The following BTD variants were observed in gnomAD, a reference collection of about 807,000 sequenced individuals.
BTD encodes biotinidase.
A neutral mutation model predicts 17.7 loss-of-function variants in BTD; 13 were observed. That is an observed-to-expected ratio of 0.74 (90% CI 0.48 to 1.17). The LOEUF (loss-of-function observed/expected upper bound fraction) is 1.17. Ranked by LOEUF, BTD falls within the 50% of genes most tolerant of loss-of-function variation. The probability of loss-of-function intolerance (pLI) is 0.00; values close to 1 mark genes in which losing one functional copy is unlikely to be tolerated. For synonymous variants in BTD, 240 were observed against 245.2 expected (o/e 0.98, Z 0.20); for missense variants, 674 against 650.4 (o/e 1.04, Z -0.39).
chr3:15,681,955 C>T (rs186390519), intron 3 of BTD, among the ~76,000 whole-genome samples: 2 of 152,190 alleles, frequency 1.3e-5, no homozygotes, highest in East Asian at 3.9e-4. Context: ...TTAATGCCAT[C>T]GTTCTGAATG....
chr3:15,697,451 C>T (rs1357299826), intron 3 of BTD: 4 of 152,032 alleles, frequency 2.6e-5, no homozygotes, highest in Admixed American at 6.6e-5. Flanking sequence ...CCAAAAACCA[C>T]CTGTTCCCCA....
chr3:15,694,802 G>T, intron 3 of BTD: 4 of 1,613,290 alleles, frequency 2.5e-6, no homozygotes, highest in Non-Finnish European at 3.4e-6. Context: ...CTGTTCCTGA[G>T]GTTTCCATTA....
intron 2 of BTD, 110 bp from the exon 3 acceptor site, chr3:15,641,798 A>G (rs2065516559): frequency 2.4e-6 from 2 of 830,226 alleles, no homozygotes; most frequent in African/African-American, 3.4e-5. Flanking sequence ...GGTTCCTGCT[A>G]CAGAGTAACT....
rs987312372 is a variant in BTD at position 15,650,036 on chromosome 3, C to T, written c.*4548C>T. On this transcript the variant is annotated 3_prime_UTR_variant, in exon 4 of 4. Transcript: ENST00000643237. ...CTGAGTCTTGGATTTGCATCTTTAT[C>T]GTGACTCCACGGAGACCCACCCTCT... 1.3e-5 allele frequency among the ~76,000 whole-genome samples: 2 copies of T among 152,340 alleles called. No individual in the cohort carries two copies. The highest frequency in any genetic ancestry group is 6.5e-5 in the Admixed American group (1 of 15,294).
At chr3:15,601,917 C>A (rs572436631) in intron 1 of BTD, 23 bp downstream of exon 1, 2 of 1,612,820 alleles carry the variant, frequency 1.2e-6, no homozygotes, top group South Asian at 1.1e-5. Flanking sequence ...CGTGGTGCGG[C>A]GCGGAGGGGG....
intron 1 of BTD, among the ~76,000 whole-genome samples, chr3:15,622,680 T>G (rs1167775263): frequency 2.0e-5 from 3 of 152,250 alleles, no homozygotes; most frequent in Non-Finnish European, 4.4e-5. Context: ...AGTGGATACA[T>G]CTGTTTCTCT....
downstream of BTD, among the ~76,000 whole-genome samples, chr3:15,712,884 G>A (rs2072507530): frequency 6.6e-6 from 1 of 152,064 alleles, no homozygotes; most frequent in African/African-American, 2.4e-5. Context: ...AAACAGATAG[G>A]TGCAGTACCA....
intron 3 of BTD, among the ~76,000 whole-genome samples, chr3:15,661,947 G>T (rs1466000502): frequency 6.6e-6 from 1 of 152,146 alleles, no homozygotes; most frequent in African/African-American, 2.4e-5. Flanking sequence ...ATTTATGTGG[G>T]TCTATTTCTG....
At chr3:15,706,430 T>C (rs901051030) in intron 3 of BTD, among the ~76,000 whole-genome samples, 5 of 152,156 alleles carry the variant, frequency 3.3e-5, no homozygotes, top group African/African-American at 1.2e-4. Context: ...CCTCCTTTTT[T>C]ATGGCTGCAT....
At chr3:15,681,015 A>G (rs2125705461) in intron 3 of BTD, among the ~76,000 whole-genome samples, 1 of 152,272 alleles carries the variant, frequency 6.6e-6, no homozygotes, top group African/African-American at 2.4e-5. Flanking sequence ...TTCCTACCAA[A>G]GTGATATTGC....
chr3:15,634,577 A>G (rs1014569660), intron 1 of BTD, among the ~76,000 whole-genome samples: 5 of 152,226 alleles, frequency 3.3e-5, no homozygotes, highest in African/African-American at 1.2e-4. Flanking sequence ...TTCTGGTAGA[A>G]GCTATGAAGC....
intron 1 of BTD, among the ~76,000 whole-genome samples, chr3:15,608,783 A>T (rs923521013): frequency 1.3e-5 from 2 of 151,704 alleles, no homozygotes; most frequent in African/African-American, 4.8e-5. Flanking sequence ...AAAAAAAAAG[A>T]AATCATAGTA....
At chr3:15,716,283 T>TTA (rs1004306012), downstream of BTD, among the ~76,000 whole-genome samples, 6 of 136,664 alleles carry the variant, frequency 4.4e-5, no homozygotes, top group African/African-American at 1.8e-4. Context: ...CACCTGGACT[T>TTA]TTTTTTTTTT....
chr3:15,645,817 C>T lies in BTD; in HGVS notation c.*329C>T, dbSNP rs2065680952. 1 of 239,494 alleles carries T rather than the reference C, an allele frequency of 4.2e-6. No individual in the cohort carries two copies. The highest frequency in any genetic ancestry group is 5.1e-5 in the Admixed American group (1 of 19,674). 14.8% of individuals were successfully genotyped at this position (239,494 alleles called of 1,614,324 possible). ...AATGTCAGTTTATATTTTACACATC[C>T]ACAAAGCAGTGGCTTGGGGTTTTTT... On this transcript the variant is annotated 3_prime_UTR_variant, in exon 4 of 4. Coordinates refer to ENST00000643237, the MANE Select transcript of BTD (RefSeq NM_001370658.1).
At chr3:15,603,346 A>G (rs1188598824) in intron 1 of BTD, among the ~76,000 whole-genome samples, 2 of 152,210 alleles carry the variant, frequency 1.3e-5, no homozygotes, top group Admixed American at 6.5e-5. Context: ...CCTTCCGCCT[A>G]TGAGCCTGTA....
Position 15,648,618 on chromosome 3 carries a change from G to T in BTD, c.*3130G>T, listed in dbSNP as rs975052225. ...GAAGATATCAACCAAGGCTGCAGCCGGTTGAAGGCCTCACTGGATTTGGAG... is the reference window on the plus strand; with the variant it reads ...GAAGATATCAACCAAGGCTGCAGCCTGTTGAAGGCCTCACTGGATTTGGAG... On this transcript the variant is annotated 3_prime_UTR_variant, in exon 4 of 4. Coordinates refer to ENST00000643237, the MANE Select transcript of BTD (RefSeq NM_001370658.1). 6.6e-6 allele frequency among the ~76,000 whole-genome samples: 1 copy of T among 152,174 alleles called. No homozygotes were observed. Among genetic ancestry groups the T allele is most frequent in the African/African-American group, 2.4e-5 (1 of 41,434 alleles).
At chr3:15,601,690 C>G, upstream of BTD, 3 of 1,556,740 alleles carry the variant, frequency 1.9e-6, no homozygotes, top group East Asian at 2.4e-5. Context: ...GAACTGCGCT[C>G]TCTTCTCGGC....
At chr3:15,722,513 C>T (rs1053965714), downstream of BTD, among the ~76,000 whole-genome samples, 6 of 152,104 alleles carry the variant, frequency 3.9e-5, no homozygotes, top group Non-Finnish European at 8.8e-5. Flanking sequence ...ACCATGAGTA[C>T]AAAGCTTTTA....
chr3:15,690,389 A>G, intron 3 of BTD, among the ~76,000 whole-genome samples: 1 of 152,254 alleles, frequency 6.6e-6, no homozygotes, highest in East Asian at 1.9e-4. Context: ...CTTTCTAATA[A>G]TCAACATAGT....
Sources: allele counts gnomAD v4.1 joint callset (sites outside exome capture counted in the v4.1 genomes callset), GRCh38; gene constraint gnomAD v4.1.1; transcripts MANE v1.5; gene names NCBI Gene and HGNC (gene_info 2026-07-23, HGNC 2026-07-21).